CLIC5: variants seen among roughly 807,000 people sequenced by gnomAD.
CLIC5 encodes chloride intracellular channel protein 5.
A neutral mutation model predicts 24.7 loss-of-function variants in CLIC5; 20 were observed. The observed-to-expected ratio is 0.81, with a 90% CI of 0.57 to 1.18. The LOEUF (loss-of-function observed/expected upper bound fraction) is 1.18. CLIC5 is among the 50% of genes most tolerant of loss of function. CLIC5 has a pLI of 0.00. For missense variants in CLIC5, 341 were observed against 326.1 expected, an observed-to-expected ratio of 1.05 and a Z score of -0.35; for synonymous variants, 159 against 135.6, an observed-to-expected ratio of 1.17 and a Z score of -1.20.
intron 1 of CLIC5, among the ~76,000 whole-genome samples, chr6:46,038,442 C>T (rs1767722809): frequency 6.6e-6 from 1 of 152,146 alleles, no homozygotes; most frequent in Admixed American, 6.5e-5. Context: ...GGTTGACTTC[C>T]CAGAGGCCCT....
upstream of CLIC5, among the ~76,000 whole-genome samples, chr6:46,017,886 C>A (rs1313779067): frequency 6.6e-6 from 1 of 152,200 alleles, no homozygotes; most frequent in Non-Finnish European, 1.5e-5. Context: ...ACTCTCAGTG[C>A]AAATTCCTCC....
At chr6:46,099,045 A>C in the CLIC5 span, among the ~76,000 whole-genome samples, 474 of 152,296 alleles carry the variant, frequency 3.1e-3, 1 homozygote, top group Non-Finnish European at 6.0e-3. Flanking sequence ...ACTTCACCAA[A>C]CTTACTGGGT....
At chr6:46,032,831 C>T (rs1767545085) in intron 1 of CLIC5, among the ~76,000 whole-genome samples, 1 of 151,918 alleles carries the variant, frequency 6.6e-6, no homozygotes, top group African/African-American at 2.4e-5. Flanking sequence ...CATTACATAA[C>T]ACAAAAGCCT....
intron 4 of CLIC5, among the ~76,000 whole-genome samples, chr6:45,931,021 A>T (rs1242075933): frequency 6.6e-6 from 1 of 152,216 alleles, no homozygotes; most frequent in Admixed American, 6.5e-5. Flanking sequence ...TTTGTGTTTT[A>T]CATTTTTGCA....
chr6:46,108,401 T>TGTGAGA, the CLIC5 span, among the ~76,000 whole-genome samples: 14 of 141,672 alleles, frequency 9.9e-5, no homozygotes, highest in African/African-American at 3.7e-4. Flanking sequence ...TGTGTGTGTG[T>TGTGAGA]GAGAGAGAGA....
At chr6:45,998,388 A>G (rs1316890891) in intron 1 of CLIC5, among the ~76,000 whole-genome samples, 1 of 152,108 alleles carries the variant, frequency 6.6e-6, no homozygotes, top group Non-Finnish European at 1.5e-5. Flanking sequence ...CAAGGGAATG[A>G]TTTGTCAGAA....
intron 1 of CLIC5, among the ~76,000 whole-genome samples, chr6:45,989,027 C>A (rs1039415096): frequency 6.6e-6 from 1 of 152,198 alleles, no homozygotes; most frequent in Non-Finnish European, 1.5e-5. Context: ...CTCTTCTGCC[C>A]CCATGGCTAG....
intron 1 of CLIC5, among the ~76,000 whole-genome samples, chr6:46,038,472 G>C (rs1021781894): frequency 2.0e-5 from 3 of 152,136 alleles, no homozygotes; most frequent in African/African-American, 7.2e-5. Context: ...TGATTTTCCA[G>C]CTTACACCAT....
chr6:45,956,197 G>A (rs1386605783), intron 1 of CLIC5, among the ~76,000 whole-genome samples: 1 of 152,172 alleles, frequency 6.6e-6, no homozygotes, highest in Non-Finnish European at 1.5e-5. Flanking sequence ...TTAATTTCAA[G>A]CAAACCTATG....
At chr6:46,095,607 C>G in the CLIC5 span, among the ~76,000 whole-genome samples, 1 of 152,220 alleles carries the variant, frequency 6.6e-6, no homozygotes, top group African/African-American at 2.4e-5. Flanking sequence ...ACAAAAGCGA[C>G]ATTTGTTTGA....
the CLIC5 span, among the ~76,000 whole-genome samples, chr6:46,103,913 C>G: frequency 6.6e-6 from 1 of 152,092 alleles, no homozygotes; most frequent in Non-Finnish European, 1.5e-5. Context: ...CATCAGGCTC[C>G]CAGCCTCTGT....
At chr6:46,116,992 T>C in the CLIC5 span, among the ~76,000 whole-genome samples, 1 of 152,232 alleles carries the variant, frequency 6.6e-6, no homozygotes, top group East Asian at 1.9e-4. Context: ...AAGACTCTAA[T>C]GTAAAAGCAT....
chr6:46,115,771 T>C, the CLIC5 span, among the ~76,000 whole-genome samples: 3 of 152,244 alleles, frequency 2.0e-5, no homozygotes, highest in African/African-American at 7.2e-5. Flanking sequence ...GATATTTACA[T>C]GTGTCTAACA....
At chr6:45,944,974 A>G (rs541220497) in intron 3 of CLIC5, among the ~76,000 whole-genome samples, 1 of 152,270 alleles carries the variant, frequency 6.6e-6, no homozygotes, top group Non-Finnish European at 1.5e-5. Flanking sequence ...GACTTTTCTA[A>G]TCCTTGACTG....
intron 1 of CLIC5, among the ~76,000 whole-genome samples, chr6:46,008,191 G>A (rs1309768885): frequency 6.6e-6 from 1 of 152,140 alleles, no homozygotes; most frequent in East Asian, 1.9e-4. Flanking sequence ...GCCCCCTCCT[G>A]CCACTGTTGT....
At chr6:46,005,588 G>A (rs1766522084) in intron 1 of CLIC5, among the ~76,000 whole-genome samples, 1 of 152,158 alleles carries the variant, frequency 6.6e-6, no homozygotes, top group Non-Finnish European at 1.5e-5. Context: ...CTTGCCATCA[G>A]AGATGCTTCA....
the CLIC5 span, among the ~76,000 whole-genome samples, chr6:46,124,884 C>T: frequency 6.6e-6 from 1 of 152,210 alleles, no homozygotes; most frequent in East Asian, 1.9e-4. Context: ...GAGATGTCAT[C>T]TCACACCAGT....
chr6:45,977,814 A>C (rs1316787417), intron 1 of CLIC5, among the ~76,000 whole-genome samples: 1 of 152,218 alleles, frequency 6.6e-6, no homozygotes, highest in Non-Finnish European at 1.5e-5. Context: ...GACTACTTCT[A>C]TTAGAATTAT....
At position 45,903,143 on chromosome 6, in the gene CLIC5, T is replaced by C; in HGVS notation, c.701A>G (p.Asp234Gly). ...RDEFTNTCAA[D>G]SEIELAYADV... is the part of the protein sequence containing the mutation. ...AGCGTAGGCCAACTCGATCTCACTG[T>C]CAGCTGCACAGGTGTTGGTGAACTC... Residue 234 changes from aspartate (D) to glycine (G), a missense_variant, in exon 6 of 6, where the codon GAC (aspartate) becomes GGC (glycine). Asp to Gly is a moderately conservative substitution (Grantham distance 94). Coordinates refer to ENST00000339561, the MANE Select transcript of CLIC5 (RefSeq NM_016929.5). 6.2e-7 allele frequency: 1 copy of C among 1,614,212 alleles called. No individual in the cohort carries two copies.
Sources: gnomAD v4.1 joint callset for allele counts (sites outside exome capture counted in the v4.1 genomes callset) on GRCh38, gnomAD v4.1.1 for gene constraint, MANE v1.5 for transcripts, NCBI Gene and HGNC (gene_info 2026-07-23, HGNC 2026-07-21) for gene names.